Variants in UGT1A8 observed in about 807,000 individuals in gnomAD.
UGT1A8 encodes UDP glucuronosyltransferase family 1 member A8.
Under a neutral mutation model 45.3 loss-of-function variants are expected in UGT1A8, and 39 were observed. That is an observed-to-expected ratio of 0.86 (90% CI 0.67 to 1.12). The LOEUF (loss-of-function observed/expected upper bound fraction) is 1.12. Ranked by LOEUF, UGT1A8 falls within the 50% of genes most tolerant of loss-of-function variation. UGT1A8 has a pLI of 0.00. For synonymous variants in UGT1A8, 275 were observed against 249.2 expected (o/e 1.10, Z -0.97); for missense variants, 719 against 664.9 (o/e 1.08, Z -0.90).
At chr2:233,651,257 T>C (rs1304472195) in intron 1 of UGT1A8, among the ~76,000 whole-genome samples, 1 of 152,158 alleles carries the variant, frequency 6.6e-6, no homozygotes, top group East Asian at 1.9e-4. Flanking sequence ...ATCCTGCCAC[T>C]TCCTGAACCC....
intron 1 of UGT1A8, among the ~76,000 whole-genome samples, chr2:233,733,174 GC>G (rs2078363490): frequency 6.6e-6 from 1 of 152,204 alleles, no homozygotes; most frequent in South Asian, 2.1e-4. Context: ...CTGGGACTTT[GC>G]TGAAGTTGCT....
rs1187391866 is a variant in UGT1A8 at position 233,724,541 on chromosome 2, C to T, written c.856-42493C>T. Among the ~76,000 whole-genome samples the T allele has an allele frequency of 2.0e-4, 24 of 122,440 alleles. 1 individual carries two copies. Among genetic ancestry groups the T allele is most frequent in the Admixed American group, 1.0e-3 (13 of 12,646 alleles). 80.3% of individuals were successfully genotyped at this position (122,440 alleles called of 152,430 possible). On this transcript the variant is annotated intron_variant, in intron 1 of 4. Transcript: ENST00000373450. ...CAGATGGGGTCTCGCCGGGCAGAGG[C>T]GCTCCTCACATCCCAGATGGGGCGG... is the stretch of plus-strand genomic sequence containing the variant.
Position 233,739,198 on chromosome 2 carries a change from G to A in UGT1A8, c.856-27836G>A, listed in dbSNP as rs555664061. On this transcript the variant is annotated intron_variant, in intron 1 of 4. Coordinates refer to ENST00000373450, the MANE Select transcript of UGT1A8 (RefSeq NM_019076.5). ...GAAATGCTTGGATGTCCAGGCAGAC[G>A]TTTGCTGCATGGATAGAGTCCTTAT... 7.2e-5 allele frequency: 11 copies of A among 152,362 alleles called. No individual in the cohort carries two copies. The East Asian group carries it at 9.6e-4, about 13-fold the overall frequency. 9.4% of individuals were successfully genotyped at this position (152,362 alleles called of 1,614,324 possible).
chr2:233,743,455 A>G (rs781319015), intron 1 of UGT1A8: 2 of 1,366,026 alleles, frequency 1.5e-6, no homozygotes, highest in Non-Finnish European at 9.8e-7. Flanking sequence ...AAAAGAAGAA[A>G]AAACACCCCC....
chr2:233,653,721 T>A, intron 1 of UGT1A8, among the ~76,000 whole-genome samples: 1 of 152,148 alleles, frequency 6.6e-6, no homozygotes, highest in East Asian at 1.9e-4. Context: ...CTCAGCCTCC[T>A]GGGTAGCTGG....
chr2:233,717,899 T>A (rs1410240697), intron 1 of UGT1A8: 2 of 454,694 alleles, frequency 4.4e-6, no homozygotes, highest in Non-Finnish European at 8.8e-6. Flanking sequence ...ATCTTCAGGA[T>A]GAAATAAAGG....
At chr2:233,631,973 A>G (rs1183388297) in intron 1 of UGT1A8, among the ~76,000 whole-genome samples, 1 of 152,112 alleles carries the variant, frequency 6.6e-6, no homozygotes, top group African/African-American at 2.4e-5. Flanking sequence ...TTTAGGTCTT[A>G]TGTTTAAGTC....
intron 1 of UGT1A8, among the ~76,000 whole-genome samples, chr2:233,687,003 T>C (rs2074816550): frequency 2.0e-5 from 3 of 152,210 alleles, no homozygotes; most frequent in South Asian, 2.1e-4. Context: ...GTTTCAACAC[T>C]AGAGGACTTT....
At chr2:233,696,840 G>A (rs17864692) in intron 1 of UGT1A8, among the ~76,000 whole-genome samples, 7,328 of 152,214 alleles carry the variant, frequency 0.048, 193 homozygotes, top group Non-Finnish European at 0.059. Flanking sequence ...ATAAAGGGAC[G>A]TTGAATTTTG....
chr2:233,703,342 T>C (rs1204412356), intron 1 of UGT1A8, among the ~76,000 whole-genome samples: 1 of 152,166 alleles, frequency 6.6e-6, no homozygotes, highest in Non-Finnish European at 1.5e-5. Flanking sequence ...CTCTCTTTTT[T>C]CTTTGTTAAT....
chr2:233,678,654 A>C (rs1240752481), intron 1 of UGT1A8, among the ~76,000 whole-genome samples: 4 of 152,122 alleles, frequency 2.6e-5, no homozygotes, highest in African/African-American at 9.7e-5. Context: ...AATTGGAAGC[A>C]TTTCTATGAG....
intron 1 of UGT1A8, chr2:233,739,012 T>A (rs1690960444): frequency 6.6e-6 from 1 of 152,230 alleles, no homozygotes; most frequent in Admixed American, 6.5e-5. Context: ...TCCCAGTGGC[T>A]CCAGCCATGG....
At chr2:233,751,369 A>G (rs1694708741) in intron 1 of UGT1A8, among the ~76,000 whole-genome samples, 1 of 152,104 alleles carries the variant, frequency 6.6e-6, no homozygotes, top group South Asian at 2.1e-4. Context: ...TCATGGGGGA[A>G]GGGACTTGCC....
chr2:233,719,549 G>A (rs1246410052), intron 1 of UGT1A8: 1 of 1,613,938 alleles, frequency 6.2e-7, no homozygotes, highest in African/African-American at 1.3e-5. Context: ...AGAGAGAGGT[G>A]TCAGTGGTGG....
At chr2:233,706,301 T>C (rs746446556) in intron 1 of UGT1A8, among the ~76,000 whole-genome samples, 9 of 152,168 alleles carry the variant, frequency 5.9e-5, no homozygotes, top group Non-Finnish European at 1.2e-4. Context: ...CCAGGTACTA[T>C]GTAGATAGTG....
chr2:233,755,298 C>T (rs1354075673), intron 1 of UGT1A8: 3 of 620,036 alleles, frequency 4.8e-6, no homozygotes, highest in Non-Finnish European at 7.5e-6. Context: ...CTGCGGGGCA[C>T]TGGCACAGCG....
rs542172440 is a variant in UGT1A8 at position 233,772,689 on chromosome 2, A to C, written c.*130A>C. ...CTTTGCATAAATTAATCAGCCCCAG[A>C]GTGCTTTAAAAAATTCTCTTAAATA... On this transcript the variant is annotated 3_prime_UTR_variant, in exon 5 of 5. Transcript: ENST00000373450. 4.0e-6 allele frequency: 6 copies of C among 1,492,458 alleles called. No homozygotes were observed. In the African/African-American group the frequency reaches 8.5e-5, roughly 21 times the overall value. 92.5% of individuals were successfully genotyped at this position (1,492,458 alleles called of 1,614,324 possible). A position where few individuals can be genotyped will look rare whatever the true frequency, so the allele number is the denominator to read the frequency against.
chr2:233,698,667 C>T (rs2075453581), intron 1 of UGT1A8, among the ~76,000 whole-genome samples: 2 of 152,000 alleles, frequency 1.3e-5, no homozygotes, highest in African/African-American at 4.8e-5. Flanking sequence ...AACTATTGGC[C>T]CAACTATAAA....
intron 1 of UGT1A8, chr2:233,647,949 G>A: frequency 1.2e-6 from 2 of 1,606,618 alleles, no homozygotes; most frequent in Admixed American, 3.3e-5. Context: ...GGAGCCACTG[G>A]TTCACCATGT....
Sources: allele counts gnomAD v4.1 joint callset (sites outside exome capture counted in the v4.1 genomes callset), GRCh38; gene constraint gnomAD v4.1.1; transcripts MANE v1.5; gene names NCBI Gene and HGNC (gene_info 2026-07-23, HGNC 2026-07-21).